Variants in ARHGEF33 observed in about 807,000 individuals in gnomAD.
The protein encoded by ARHGEF33 is DH and coiled-coil domain-containing protein ENSP00000381780.
In ARHGEF33, 72 loss-of-function variants were observed where a neutral mutation model predicts 101.9. The observed-to-expected ratio is 0.71, with a 90% CI of 0.58 to 0.86. ARHGEF33 has a LOEUF of 0.86. ARHGEF33 is among the 40% of genes least tolerant of loss of function. The pLI, the probability that ARHGEF33 is intolerant of heterozygous loss-of-function variation, is 0.00. For missense variants in ARHGEF33, 1,169 were observed against 1,111.3 expected (o/e 1.05, Z -0.74); for synonymous variants, 499 against 442.5 (o/e 1.13, Z -1.60).
intron 2 of ARHGEF33, among the ~76,000 whole-genome samples, chr2:38,898,190 G>T (rs1270153196): frequency 6.6e-6 from 1 of 152,180 alleles, no homozygotes; most frequent in East Asian, 1.9e-4. Context: ...GGGGATCATT[G>T]ACTAAATGAT....
chr2:38,954,551 T>A, intron 13 of ARHGEF33, 95 bp downstream of exon 13: 1 of 733,048 alleles, frequency 1.4e-6, no homozygotes, highest in Admixed American at 2.2e-5. Flanking sequence ...GCCTCAAGAA[T>A]CATTAATATT....
rs560118188 is a variant in ARHGEF33, at chr2:38,965,361, G to C, written c.2344-645G>C. 2.6e-5 allele frequency among the ~76,000 whole-genome samples: 4 copies of C among 152,296 alleles called. No individual in the cohort carries two copies. The South Asian group carries it at 8.3e-4, about 32-fold the overall frequency. ...AGAAAAAACTAGAGAGGTCACAAAA[G>C]ATACAGCCTTATTTTTAACTTATTT... On this transcript the variant is annotated intron_variant, in intron 16 of 17. Transcript: ENST00000409978.
intron 10 of ARHGEF33, among the ~76,000 whole-genome samples, chr2:38,947,318 G>A (rs1667476190): frequency 6.6e-6 from 1 of 152,222 alleles, no homozygotes; most frequent in Admixed American, 6.5e-5. Flanking sequence ...CTGGCTGAAA[G>A]GGCTGGAAGT....
At chr2:38,917,401 G>A (rs1318522753) in intron 2 of ARHGEF33, among the ~76,000 whole-genome samples, 1 of 152,026 alleles carries the variant, frequency 6.6e-6, no homozygotes, top group Non-Finnish European at 1.5e-5. Context: ...CCATAATGAA[G>A]TCTTAAATCA....
At chr2:38,934,922 T>C (rs766526886) in intron 7 of ARHGEF33, among the ~76,000 whole-genome samples, 1 of 151,830 alleles carries the variant, frequency 6.6e-6, no homozygotes, top group Non-Finnish European at 1.5e-5. Flanking sequence ...TTATGGGTAC[T>C]GAGGGGAAGA....
chr2:38,969,620 T>C (rs188885336), intron 17 of ARHGEF33: 1 of 165,402 alleles, frequency 6.0e-6, no homozygotes, highest in East Asian at 1.9e-4. Flanking sequence ...GGGAAAAGAA[T>C]GACCTTCTGA....
intron 15 of ARHGEF33, chr2:38,959,155 A>G (rs1303289499): frequency 2.0e-5 from 3 of 152,236 alleles, no homozygotes; most frequent in Admixed American, 2.0e-4. Context: ...TAGTTTGTAA[A>G]CTGTGTAAAT....
At chr2:38,943,855 A>C (rs1667373659) in intron 9 of ARHGEF33, 46 bp from the exon 10 acceptor site, 1 of 1,529,634 alleles carries the variant, frequency 6.5e-7, no homozygotes, top group African/African-American at 1.4e-5. Context: ...ATGGGATTTT[A>C]GGAAGAAATG....
intron 2 of ARHGEF33, among the ~76,000 whole-genome samples, chr2:38,898,814 G>A (rs1394720036): frequency 1.3e-5 from 2 of 152,154 alleles, no homozygotes; most frequent in African/African-American, 4.8e-5. Flanking sequence ...AGACTTGGAA[G>A]AGTAAACTGT....
At chr2:38,953,429 G>T (rs1572772876) in intron 12 of ARHGEF33, among the ~76,000 whole-genome samples, 184 bp downstream of exon 12, 1 of 152,146 alleles carries the variant, frequency 6.6e-6, no homozygotes, top group South Asian at 2.1e-4. Context: ...CCATTGTGTT[G>T]GTCCTCTCCC....
At chr2:38,933,837 C>T (rs1386737068) in intron 7 of ARHGEF33, among the ~76,000 whole-genome samples, 1 of 152,190 alleles carries the variant, frequency 6.6e-6, no homozygotes, top group Admixed American at 6.5e-5. Flanking sequence ...TCTGGAGCTG[C>T]TTACCACAAA....
chr2:38,949,705 G>A (rs1365169337), intron 10 of ARHGEF33, among the ~76,000 whole-genome samples: 3 of 152,202 alleles, frequency 2.0e-5, no homozygotes, highest in Admixed American at 2.0e-4. Context: ...GAATAGCTGA[G>A]ACTGGGTAAT....
intron 2 of ARHGEF33, among the ~76,000 whole-genome samples, chr2:38,918,926 G>A (rs942216108): frequency 4.6e-5 from 7 of 151,822 alleles, no homozygotes; most frequent in African/African-American, 1.5e-4. Context: ...TAAGCCTGTG[G>A]TCCCAGCTAT....
At chr2:38,906,289 A>C (rs1236324354) in intron 2 of ARHGEF33, among the ~76,000 whole-genome samples, 2 of 151,564 alleles carry the variant, frequency 1.3e-5, no homozygotes, top group Admixed American at 1.3e-4. Flanking sequence ...AGGTAGGGGG[A>C]TGGAACACTT....
At chr2:38,939,282 A>G (rs1201504131) in intron 9 of ARHGEF33, among the ~76,000 whole-genome samples, 1 of 152,116 alleles carries the variant, frequency 6.6e-6, no homozygotes. Flanking sequence ...CTAGCTATGA[A>G]TATTCTTGTA....
At chr2:38,967,121 T>A (rs1668066460) in intron 17 of ARHGEF33, among the ~76,000 whole-genome samples, 1 of 152,238 alleles carries the variant, frequency 6.6e-6, no homozygotes. Flanking sequence ...GGAAATCACC[T>A]TTTCCTTGAA....
intron 2 of ARHGEF33, among the ~76,000 whole-genome samples, chr2:38,913,992 A>G (rs1438010605): frequency 6.6e-6 from 1 of 152,212 alleles, no homozygotes; most frequent in Non-Finnish European, 1.5e-5. Flanking sequence ...CTAAACTTAT[A>G]GTAAGTATAC....
chr2:38,891,976 T>A (rs1451140066), intron 1 of ARHGEF33, among the ~76,000 whole-genome samples: 1 of 152,222 alleles, frequency 6.6e-6, no homozygotes, highest in Non-Finnish European at 1.5e-5. Context: ...CTGATTGGTA[T>A]GTTCATGATT....
chr2:38,937,310 C>CGGGGGGGGGGGGGGGGGGG, intron 8 of ARHGEF33, 25 bp from the exon 9 acceptor site: 1 of 581,144 alleles, frequency 1.7e-6, no homozygotes, highest in Non-Finnish European at 3.0e-6. Flanking sequence ...TCTTTGTTTC[C>CGGGGGGGGGGGGGGGGGGG]CCGCCCCTCC....
Sources: gnomAD v4.1 joint callset for allele counts (sites outside exome capture counted in the v4.1 genomes callset) on GRCh38, gnomAD v4.1.1 for gene constraint, MANE v1.5 for transcripts, NCBI Gene and HGNC (gene_info 2026-07-23, HGNC 2026-07-21) for gene names.